Variants in NDUFAF6 observed in about 807,000 individuals in gnomAD.
The protein encoded by NDUFAF6 is NADH:ubiquinone oxidoreductase complex assembly factor 6.
NDUFAF6 carries 45 observed loss-of-function variants against 40.8 expected under a neutral mutation model. The observed-to-expected ratio is 1.10, with a 90% CI of 0.87 to 1.42. The LOEUF (loss-of-function observed/expected upper bound fraction) is 1.42. Ranked by LOEUF, NDUFAF6 falls within the 40% of genes most tolerant of loss-of-function variation. The probability of loss-of-function intolerance (pLI) is 0.00; values close to 1 mark genes in which losing one functional copy is unlikely to be tolerated. For missense variants in NDUFAF6, 435 were observed against 418.5 expected (o/e 1.04, Z -0.34); for synonymous variants, 185 against 155.9 (o/e 1.19, Z -1.39).
At chr8:95,009,604 A>C (rs1206462109) in intron 2 of NDUFAF6, among the ~76,000 whole-genome samples, 1 of 152,166 alleles carries the variant, frequency 6.6e-6, no homozygotes, top group Non-Finnish European at 1.5e-5. Flanking sequence ...TCTTCCTAAG[A>C]GGCTGAGAAA....
At chr8:95,075,601 T>C in intron 9 of NDUFAF6, 15 of 1,286,780 alleles carry the variant, frequency 1.2e-5, no homozygotes, top group Non-Finnish European at 1.5e-5. Context: ...CTAGTTGGCT[T>C]GGTGAATAAG....
chr8:94,982,409 G>T (rs1158442142), intron 2 of NDUFAF6, among the ~76,000 whole-genome samples: 1 of 152,184 alleles, frequency 6.6e-6, no homozygotes, highest in Admixed American at 6.5e-5. Context: ...ATCTAGGTTT[G>T]TGTAGGTATA....
chr8:94,970,271 A>G (rs560326613), intron 1 of NDUFAF6, among the ~76,000 whole-genome samples: 300 of 151,702 alleles, frequency 2.0e-3, no homozygotes, highest in African/African-American at 6.6e-3. Flanking sequence ...AAAAAAAAAA[A>G]AAGAAGAAGG....
At chr8:95,078,115 A>G (rs957220666), downstream of NDUFAF6, among the ~76,000 whole-genome samples, 7 of 152,186 alleles carry the variant, frequency 4.6e-5, no homozygotes, top group South Asian at 2.1e-4. Context: ...AAAGGAGCCC[A>G]TGGAGAGAAT....
At chr8:94,926,585 A>G (rs1819920823) in intron 1 of NDUFAF6, 1 of 152,214 alleles carries the variant, frequency 6.6e-6, no homozygotes, top group Non-Finnish European at 1.5e-5. Context: ...ACTTCAGGCA[A>G]AACAGAGCAA....
chr8:94,991,733 T>C (rs1826199965), intron 2 of NDUFAF6, among the ~76,000 whole-genome samples: 1 of 152,130 alleles, frequency 6.6e-6, no homozygotes, highest in Non-Finnish European at 1.5e-5. Context: ...TGCCTTGTTT[T>C]TTTCTCTTCA....
intron 1 of NDUFAF6, among the ~76,000 whole-genome samples, chr8:94,973,491 G>C (rs563052910): frequency 6.6e-6 from 1 of 152,170 alleles, no homozygotes; most frequent in Admixed American, 6.5e-5. Context: ...GGCAGATCAC[G>C]AGGTCAGGAG....
At chr8:94,910,387 G>A (rs7016078) in intron 1 of NDUFAF6, among the ~76,000 whole-genome samples, 93,139 of 152,024 alleles carry the variant, frequency 0.61, 29,440 homozygotes, top group East Asian at 0.79. Context: ...TCCTGACCTC[G>A]GGTGAACCAC....
At position 95,041,625 on chromosome 8, in the gene NDUFAF6, G is replaced by A. The variant is rs1830157956; in HGVS notation, c.476G>A (p.Arg159Lys). ...TGGCTTATGAAAATCGTCGATGAAA[G>A]AGTGAGTCAAAATTGTTCAAGTCTT... is the stretch of plus-strand genomic sequence containing the variant. ...KRWLMKIVDE[R>K]EKNLDDKAYR... Residue 159 changes from arginine (R) to lysine (K), a missense_variant and splice_region_variant, in exon 4 of 9, where the codon AGA becomes AAA. By Grantham distance (26) the Arg-to-Lys change is conservative (BLOSUM62 2). Coordinates refer to ENST00000396124, the MANE Select transcript of NDUFAF6 (RefSeq NM_152416.4). 3 of 1,611,188 alleles carry A rather than the reference G, an allele frequency of 1.9e-6. No individual in the cohort carries two copies. Among genetic ancestry groups the A allele is most frequent in the Admixed American group, 1.7e-5 (1 of 59,994 alleles).
At chr8:94,979,618 A>G (rs1360843583) in intron 1 of NDUFAF6, among the ~76,000 whole-genome samples, 1 of 152,240 alleles carries the variant, frequency 6.6e-6, no homozygotes, top group Non-Finnish European at 1.5e-5. Flanking sequence ...TGCCACAAAT[A>G]CATTGTTTTT....
At position 95,025,875 on chromosome 8, in the gene NDUFAF6, G is replaced by A. The variant is rs1828054495; in HGVS notation, c.197+670G>A. Among the ~76,000 whole-genome samples, 4 of 152,330 alleles carry A rather than the reference G, an allele frequency of 2.6e-5. No homozygotes were observed. In the South Asian group the frequency reaches 8.3e-4, roughly 32 times the overall value. ...GGGTGTCGCTCCTTAATCATTTGTGGAGGTGGGTTGGATCAATCAGGTCAC... is the reference window on the plus strand; with the variant it reads ...GGGTGTCGCTCCTTAATCATTTGTGAAGGTGGGTTGGATCAATCAGGTCAC... On this transcript the variant is annotated intron_variant, in intron 1 of 8. Coordinates refer to ENST00000396124, the MANE Select transcript of NDUFAF6 (RefSeq NM_152416.4).
intron 9 of NDUFAF6, among the ~76,000 whole-genome samples, chr8:95,070,453 AG>A (rs1214298681): frequency 6.6e-6 from 1 of 152,206 alleles, no homozygotes; most frequent in East Asian, 1.9e-4. Flanking sequence ...GCTAACATTA[AG>A]CTTTGAAATT....
At chr8:95,071,222 C>G (rs1488477507) in intron 9 of NDUFAF6, among the ~76,000 whole-genome samples, 3 of 95,056 alleles carry the variant, frequency 3.2e-5, no homozygotes, top group Non-Finnish European at 6.4e-5. Flanking sequence ...AAACCCGTCT[C>G]TACTAAAAAT....
At chr8:95,106,928 A>G (rs1409627964), downstream of NDUFAF6, among the ~76,000 whole-genome samples, 1 of 152,272 alleles carries the variant, frequency 6.6e-6, no homozygotes, top group Non-Finnish European at 1.5e-5. Flanking sequence ...TCAAAACCAC[A>G]ATGAGATACC....
chr8:95,002,862 G>A (rs1826798549), intron 2 of NDUFAF6, among the ~76,000 whole-genome samples: 1 of 152,108 alleles, frequency 6.6e-6, no homozygotes, highest in African/African-American at 2.4e-5. Context: ...AGTGGATCCG[G>A]GAACTCAAAT....
At chr8:94,922,587 T>G (rs1819580509) in intron 1 of NDUFAF6, among the ~76,000 whole-genome samples, 1 of 151,838 alleles carries the variant, frequency 6.6e-6, no homozygotes, top group African/African-American at 2.4e-5. Context: ...CAAGCAATTC[T>G]CCTGCCTCAG....
intron 1 of NDUFAF6, among the ~76,000 whole-genome samples, chr8:94,925,706 A>G (rs1341550457): frequency 1.3e-5 from 2 of 151,876 alleles, no homozygotes; most frequent in Non-Finnish European, 2.9e-5. Context: ...CGCTCAGCTT[A>G]TTTTCATATT....
intron 2 of NDUFAF6, among the ~76,000 whole-genome samples, chr8:95,015,551 A>G (rs867853318): frequency 1.3e-5 from 2 of 152,328 alleles, no homozygotes; most frequent in African/African-American, 2.4e-5. Flanking sequence ...CTTTGACAGC[A>G]ATAGTATAAA....
chr8:95,010,421 G>A (rs943720878), intron 2 of NDUFAF6, among the ~76,000 whole-genome samples: 6 of 152,266 alleles, frequency 3.9e-5, no homozygotes, highest in Middle Eastern at 3.4e-3. Flanking sequence ...ATGGACATAT[G>A]CTGTTATGCA....
Sources: gnomAD v4.1 joint callset for allele counts (sites outside exome capture counted in the v4.1 genomes callset) on GRCh38, gnomAD v4.1.1 for gene constraint, MANE v1.5 for transcripts, NCBI Gene and HGNC (gene_info 2026-07-23, HGNC 2026-07-21) for gene names.